Variants in TNRC6C observed in about 807,000 individuals in gnomAD.
TNRC6C encodes the protein trinucleotide repeat-containing gene 6C protein.
TNRC6C carries 20 observed loss-of-function variants against 153.7 expected under a neutral mutation model. That is an observed-to-expected ratio of 0.13 (90% CI 0.09 to 0.19). The LOEUF is 0.19. TNRC6C is among the 10% of genes least tolerant of loss of function. The pLI is 1.00. For synonymous variants in TNRC6C, 811 were observed against 841.4 expected, an observed-to-expected ratio of 0.96 and a Z score of 0.63; for missense variants, 1,987 against 2,172.0, an observed-to-expected ratio of 0.91 and a Z score of 1.69.
At chr17:78,054,878 A>G (rs1445037468) in intron 3 of TNRC6C, among the ~76,000 whole-genome samples, 1 of 151,960 alleles carries the variant, frequency 6.6e-6, no homozygotes, top group Non-Finnish European at 1.5e-5. Flanking sequence ...ACCACTGCAG[A>G]CTACTGTACG....
rs1431445686 is a variant in TNRC6C at position 78,098,335 on chromosome 17, C to T, written c.4307-8C>T. The T allele has an allele frequency of 6.2e-7, 1 of 1,604,514 alleles. No homozygotes were observed. The highest frequency in any genetic ancestry group is 8.5e-7 in the Non-Finnish European group (1 of 1,174,986). On this transcript the variant is annotated splice_region_variant and splice_polypyrimidine_tract_variant and intron_variant, in intron 16 of 19. Transcript: ENST00000301624. Reference sequence around the variant, plus strand: ...GACTGCATATGCTCCATCTCTCTGCCTTTCTAGGTAAACTGTCAGACATCA... The same window carrying T: ...GACTGCATATGCTCCATCTCTCTGCTTTTCTAGGTAAACTGTCAGACATCA...
At chr17:78,088,460 C>A (rs28612402) in intron 13 of TNRC6C, among the ~76,000 whole-genome samples, 3,213 of 152,060 alleles carry the variant, frequency 0.021, 113 homozygotes, top group African/African-American at 0.072. Flanking sequence ...TCTCAAAACT[C>A]CTGGCCTCAA....
At chr17:78,048,252 C>T (rs1408970792) in intron 2 of TNRC6C, among the ~76,000 whole-genome samples, 1 of 151,908 alleles carries the variant, frequency 6.6e-6, no homozygotes, top group Non-Finnish European at 1.5e-5. Flanking sequence ...ATTTCTAATC[C>T]TTAGTATTTT....
chr17:77,997,506 C>T (rs1484403941), intron 1 of TNRC6C, among the ~76,000 whole-genome samples: 1 of 152,116 alleles, frequency 6.6e-6, no homozygotes, highest in East Asian at 1.9e-4. Context: ...ATCTTTAGCT[C>T]TGCACCCTCC....
chr17:78,067,873 A>G (rs1488395106), exon 5 of TNRC6C: 1 of 1,613,798 alleles, frequency 6.2e-7, no homozygotes. Flanking sequence ...CCAAGAAAGC[A>G]CCTCCTCCTG....
chr17:78,054,941 A>G (rs996029776), intron 3 of TNRC6C, among the ~76,000 whole-genome samples: 6 of 152,054 alleles, frequency 3.9e-5, no homozygotes, highest in Admixed American at 3.9e-4. Context: ...ACTGCGGACT[A>G]CTGTACGCTA....
At chr17:77,998,079 A>G (rs554138877) in intron 1 of TNRC6C, among the ~76,000 whole-genome samples, 1 of 152,286 alleles carries the variant, frequency 6.6e-6, no homozygotes, top group East Asian at 1.9e-4. Flanking sequence ...ACAAACACAT[A>G]CAACCATATA....
At chr17:78,030,535 A>G (rs1198289564) in intron 1 of TNRC6C, among the ~76,000 whole-genome samples, 3 of 152,058 alleles carry the variant, frequency 2.0e-5, no homozygotes, top group Non-Finnish European at 4.4e-5. Context: ...GACGATAGGA[A>G]TTTTTCAATT....
chr17:77,974,281 A>G (rs1200707244), intron 1 of TNRC6C, among the ~76,000 whole-genome samples: 1 of 152,204 alleles, frequency 6.6e-6, no homozygotes, highest in African/African-American at 2.4e-5. Flanking sequence ...AGATATACAA[A>G]TAGCTGATAA....
Position 78,030,191 on chromosome 17 carries a change from C to G in TNRC6C, c.-545-1325C>G, listed in dbSNP as rs141416910. On this transcript the variant is annotated intron_variant, in intron 1 of 19. Transcript: ENST00000301624. ...TGGAGACGGAGTCTCGCTCTGTCAC[C>G]CAGCCTGGAGTGCAGTGGCACAGTC... 1.1e-4 allele frequency among the ~76,000 whole-genome samples: 16 copies of G among 152,096 alleles called. 3 individuals are homozygous for G. Among genetic ancestry groups the G allele is most frequent in the African/African-American group, 3.9e-4 (16 of 41,490 alleles).
intron 1 of TNRC6C, among the ~76,000 whole-genome samples, chr17:78,005,496 A>G (rs778086101): frequency 1.3e-5 from 2 of 152,196 alleles, no homozygotes; most frequent in Non-Finnish European, 2.9e-5. Context: ...GCTTATTGAT[A>G]TGTAAAAGAT....
At chr17:77,999,252 C>T (rs1379815150), upstream of TNRC6C, among the ~76,000 whole-genome samples, 1 of 152,228 alleles carries the variant, frequency 6.6e-6, no homozygotes, top group African/African-American at 2.4e-5. Flanking sequence ...CTTTAGTCCT[C>T]TGCTGCGAAA....
At chr17:78,071,548 C>T (rs111456579) in intron 6 of TNRC6C, among the ~76,000 whole-genome samples, 4,057 of 151,978 alleles carry the variant, frequency 0.027, 184 homozygotes, top group African/African-American at 0.093. Flanking sequence ...CCACCATGCT[C>T]GGCTAATTTT....
intron 1 of TNRC6C, among the ~76,000 whole-genome samples, chr17:77,973,006 A>G (rs938964648): frequency 2.0e-5 from 3 of 152,194 alleles, no homozygotes; most frequent in African/African-American, 7.2e-5. Context: ...CCCAGGTTCA[A>G]GCGATTCTCC....
chr17:78,025,651 AATATAT>A (rs1315352939), intron 1 of TNRC6C, among the ~76,000 whole-genome samples: 3 of 151,956 alleles, frequency 2.0e-5, no homozygotes, highest in Non-Finnish European at 4.4e-5. Context: ...TTATCAGGAA[AATATAT>A]ATATATTTAT....
rs2071243599 is a variant in TNRC6C at position 77,991,132 on chromosome 17, T to C, written c.-37-13038T>C. On this transcript the variant is annotated intron_variant, in intron 1 of 22. Transcript: ENST00000636222. ...GCTCGTTATTCTGTACAAGTGTTAA[T>C]AGGATTTTTCTGTAGCTATAGCAGG... Among the ~76,000 whole-genome samples, 3 of 152,206 alleles carry C rather than the reference T, an allele frequency of 2.0e-5. No homozygotes were observed. In the South Asian group the frequency reaches 6.2e-4, roughly 31 times the overall value.
chr17:77,974,611 G>T (rs966244361), intron 1 of TNRC6C, among the ~76,000 whole-genome samples: 1 of 152,180 alleles, frequency 6.6e-6, no homozygotes, highest in African/African-American at 2.4e-5. Context: ...GCAGGCACGT[G>T]CCACTGCACC....
intron 1 of TNRC6C, among the ~76,000 whole-genome samples, chr17:78,010,636 A>G (rs1233888121): frequency 2.6e-5 from 4 of 152,250 alleles, no homozygotes; most frequent in African/African-American, 9.6e-5. Context: ...AGGCTGAAGG[A>G]AATTCCTAAG....
chr17:78,051,589 A>G, intron 3 of TNRC6C, 141 bp downstream of exon 5: 1 of 952,120 alleles, frequency 1.1e-6, no homozygotes, highest in East Asian at 3.0e-5. Flanking sequence ...ATCACCGTGC[A>G]ATATTGTATC....
Sources: gnomAD v4.1 joint callset for allele counts (sites outside exome capture counted in the v4.1 genomes callset) on GRCh38, gnomAD v4.1.1 for gene constraint, MANE v1.5 for transcripts, NCBI Gene and HGNC (gene_info 2026-07-23, HGNC 2026-07-21) for gene names.